The following MAD1L1 variants were observed in gnomAD, a reference collection of about 807,000 sequenced individuals.
MAD1L1 encodes mitotic arrest deficient 1 like 1.
MAD1L1 carries 95 observed loss-of-function variants against 96.9 expected under a neutral mutation model. That is an observed-to-expected ratio of 0.98 (90% CI 0.83 to 1.16). The LOEUF is 1.16. Ranked by LOEUF, MAD1L1 falls within the 50% of genes most tolerant of loss-of-function variation. The probability of loss-of-function intolerance (pLI) is 0.00; values close to 1 mark genes in which losing one functional copy is unlikely to be tolerated. For synonymous variants in MAD1L1, 473 were observed against 396.6 expected (o/e 1.19, Z -2.29); for missense variants, 1,007 against 954.4 (o/e 1.06, Z -0.73).
chr7:2,041,790 C>T (rs117624174), intron 12 of MAD1L1, among the ~76,000 whole-genome samples: 6,324 of 151,976 alleles, frequency 0.042, 225 homozygotes, highest in South Asian at 0.076. Flanking sequence ...GACAGTCTCA[C>T]TTCCACGCTG....
chr7:1,853,565 C>T (rs939038630), intron 18 of MAD1L1, among the ~76,000 whole-genome samples: 5 of 152,160 alleles, frequency 3.3e-5, no homozygotes, highest in African/African-American at 7.2e-5. Flanking sequence ...TGCCTGACCC[C>T]GCTCCAGCCC....
chr7:1,992,170 G>T (rs1448820211), intron 14 of MAD1L1, among the ~76,000 whole-genome samples: 1 of 146,738 alleles, frequency 6.8e-6, no homozygotes, highest in African/African-American at 2.5e-5. Flanking sequence ...GCCACTGCTG[G>T]CCTCATGAGC....
In MAD1L1 at chr7:2,125,681, G is replaced by A. The variant is rs537088160; in HGVS notation, c.1073+23471C>T. Among the ~76,000 whole-genome samples, 176 of 152,292 alleles carry A rather than the reference G, an allele frequency of 1.2e-3. 1 individual carries two copies. The highest frequency in any genetic ancestry group is 3.8e-3 in the African/African-American group (156 of 41,568). On this transcript the variant is annotated intron_variant, in intron 11 of 18. Coordinates refer to ENST00000265854, the MANE Select transcript of MAD1L1 (RefSeq NM_001013836.2). ...TGAGCCACTGGCCCTCTCACCCAGA[G>A]GCAGGCGCCCAGACACCAAGCAGCA...
Position 2,070,813 on chromosome 7 carries a change from C to T in MAD1L1, c.1074-1475G>A, listed in dbSNP as rs578150199. On this transcript the variant is annotated intron_variant, in intron 11 of 18. Coordinates refer to ENST00000265854, the MANE Select transcript of MAD1L1 (RefSeq NM_001013836.2). ...TGTGGGATGGGGCCATGACCTCCAC[C>T]CTCACGTTCACACCTTCCCAGCCAT... 2.0e-4 allele frequency among the ~76,000 whole-genome samples: 30 copies of T among 152,358 alleles called. No homozygotes were observed. The South Asian group carries it at 6.0e-3, about 31-fold the overall frequency.
intron 18 of MAD1L1, among the ~76,000 whole-genome samples, chr7:1,842,499 C>A (rs898613841): frequency 2.0e-5 from 3 of 152,266 alleles, no homozygotes; most frequent in African/African-American, 7.2e-5. Context: ...GAATCCCTTC[C>A]GGCGCATGCC....
rs1786051967 is a variant in MAD1L1 at position 2,088,642 on chromosome 7, G to C, written c.1074-19304C>G. Among the ~76,000 whole-genome samples the C allele has an allele frequency of 6.6e-6, 1 of 152,206 alleles. No homozygotes were observed. Among genetic ancestry groups the C allele is most frequent in the African/African-American group, 2.4e-5 (1 of 41,432 alleles). ...GTGGCCATGAGCGAGAGGCAGCAAG[G>C]GGACGGGTGGAGGGAGTGCCATCTG... On this transcript the variant is annotated intron_variant, in intron 11 of 18. Transcript: ENST00000265854. The surrounding 1 kb of genome is among the most constrained non-coding windows in gnomAD (Gnocchi z 4.4).
intron 18 of MAD1L1, among the ~76,000 whole-genome samples, chr7:1,819,125 C>T (rs1781989604): frequency 6.6e-6 from 1 of 152,188 alleles, no homozygotes; most frequent in Non-Finnish European, 1.5e-5. Context: ...CTGCTCAGCC[C>T]TCTGCCATGT....
At chr7:1,891,692 C>T (rs898903470) in intron 18 of MAD1L1, among the ~76,000 whole-genome samples, 5 of 152,064 alleles carry the variant, frequency 3.3e-5, no homozygotes, top group African/African-American at 1.2e-4. Context: ...GTAATTCTCC[C>T]GCCTCAGCCT....
intron 18 of MAD1L1, among the ~76,000 whole-genome samples, chr7:1,896,176 G>A (rs10262802): frequency 0.1 from 15,223 of 152,206 alleles, 2,481 homozygotes; most frequent in African/African-American, 0.34. Flanking sequence ...GACCTCAGGA[G>A]CCTGGGGGCT....
At chr7:2,219,640 G>T (rs1298718503) in intron 5 of MAD1L1, among the ~76,000 whole-genome samples, 184 bp from the exon 6 acceptor site, 2 of 115,822 alleles carry the variant, frequency 1.7e-5, no homozygotes, top group Non-Finnish European at 2.1e-5. Context: ...GGGGGGCAGA[G>T]CGGTAGGGGG....
intron 11 of MAD1L1, among the ~76,000 whole-genome samples, chr7:2,091,065 G>A (rs1373145712): frequency 1.3e-5 from 2 of 152,260 alleles, no homozygotes; most frequent in African/African-American, 4.8e-5. Context: ...TCATTTTCTT[G>A]CTGCAAGTGT....
chr7:2,139,948 A>T (rs957882593), intron 11 of MAD1L1, among the ~76,000 whole-genome samples: 1 of 150,998 alleles, frequency 6.6e-6, no homozygotes, highest in Non-Finnish European at 1.5e-5. Flanking sequence ...TTCCCCCCAC[A>T]GGCCTCAGTT....
chr7:2,137,408 G>C (rs912487196), intron 11 of MAD1L1, among the ~76,000 whole-genome samples: 9 of 152,152 alleles, frequency 5.9e-5, no homozygotes, highest in African/African-American at 2.2e-4. Flanking sequence ...TTCTGATTTG[G>C]GGAGCTGAGG....
intron 10 of MAD1L1, among the ~76,000 whole-genome samples, chr7:2,163,893 T>C (rs977232007): frequency 6.6e-6 from 1 of 152,024 alleles, no homozygotes; most frequent in South Asian, 2.1e-4. Flanking sequence ...GTAAATAGTC[T>C]TGTTTTCAAA....
chr7:2,090,148 G>A (rs781478432), intron 11 of MAD1L1, among the ~76,000 whole-genome samples: 1 of 152,226 alleles, frequency 6.6e-6, no homozygotes, highest in Non-Finnish European at 1.5e-5. Context: ...CAAATGGTCG[G>A]TAAGGGGCCT....
chr7:1,883,572 G>A (rs897186269), intron 18 of MAD1L1, among the ~76,000 whole-genome samples: 4 of 152,318 alleles, frequency 2.6e-5, no homozygotes, highest in African/African-American at 9.6e-5. Context: ...AGCACCAGGG[G>A]ACGGACAACT....
chr7:1,881,472 G>A (rs190555251), intron 18 of MAD1L1, among the ~76,000 whole-genome samples: 75 of 152,334 alleles, frequency 4.9e-4, no homozygotes, highest in Middle Eastern at 3.4e-3. Flanking sequence ...AAAGATCTGT[G>A]TGGACAGATG....
Position 2,082,001 on chromosome 7 carries a change from G to A in MAD1L1, c.1074-12663C>T, listed in dbSNP as rs117848362. Among the ~76,000 whole-genome samples, 759 of 152,316 alleles carry A rather than the reference G, an allele frequency of 5.0e-3. 1 individual carries two copies. Among genetic ancestry groups the A allele is most frequent in the Non-Finnish European group, 7.0e-3 (474 of 68,034 alleles). ...GATCATGGAGATTAGGAGAGAGGTT[G>A]GAGCCAAAGATAGAGACTCTGAAGT... On this transcript the variant is annotated intron_variant, in intron 11 of 18. Coordinates refer to ENST00000265854, the MANE Select transcript of MAD1L1 (RefSeq NM_001013836.2).
intron 16 of MAD1L1, among the ~76,000 whole-genome samples, chr7:1,951,944 C>T (rs1779518531): frequency 6.6e-6 from 1 of 152,168 alleles, no homozygotes; most frequent in African/African-American, 2.4e-5. Flanking sequence ...TTCTTCTGGG[C>T]ATGTACGCAG....
Sources: gnomAD v4.1 joint callset for allele counts (sites outside exome capture counted in the v4.1 genomes callset) on GRCh38, gnomAD v4.1.1 for gene constraint, Gnocchi (gnomAD v3.1) non-coding constraint, MANE v1.5 for transcripts, NCBI Gene and HGNC (gene_info 2026-07-23, HGNC 2026-07-21) for gene names.